Variants in ATP6V0D2 observed in about 807,000 individuals in gnomAD.
ATP6V0D2 encodes the protein ATPase H+ transporting V0 subunit d2.
A neutral mutation model predicts 40.0 loss-of-function variants in ATP6V0D2; 40 were observed. That is an observed-to-expected ratio of 1.00 (90% CI 0.78 to 1.30). The LOEUF is 1.30. Ranked by LOEUF, ATP6V0D2 falls within the 50% of genes most tolerant of loss-of-function variation. The pLI is 0.00. For missense variants in ATP6V0D2, 470 were observed against 423.1 expected (o/e 1.11, Z -0.97); for synonymous variants, 179 against 156.3 (o/e 1.15, Z -1.08).
chr8:86,121,597 AGGAG>A (rs1244423371), intron 2 of ATP6V0D2, among the ~76,000 whole-genome samples: 2 of 126,908 alleles, frequency 1.6e-5, no homozygotes, highest in African/African-American at 5.5e-5. Context: ...GAGGAGGAGG[AGGAG>A]GAGGAGGAGG....
At chr8:86,148,798 C>T (rs1039800759) in intron 5 of ATP6V0D2, among the ~76,000 whole-genome samples, 22 of 151,950 alleles carry the variant, frequency 1.4e-4, no homozygotes, top group African/African-American at 4.4e-4. Context: ...AAAGGCTGGG[C>T]GTGGTGGCTC....
rs552520868 is a variant in ATP6V0D2 at position 86,153,304 on chromosome 8, T to G, written c.*327T>G. 1 of 170,742 alleles carries G rather than the reference T, an allele frequency of 5.9e-6. No homozygotes were observed. Among genetic ancestry groups the G allele is most frequent in the East Asian group, 1.7e-4 (1 of 5,998 alleles). 10.6% of individuals were successfully genotyped at this position (170,742 alleles called of 1,614,324 possible). A position where few individuals can be genotyped will look rare whatever the true frequency, so the allele number is the denominator to read the frequency against. On this transcript the variant is annotated 3_prime_UTR_variant, in exon 8 of 8. Transcript: ENST00000285393. ...CTAATAAAAGTATTTTATTCTTGCTTTTCCATGCTTCTCTACAGGTCCAAA... is the reference window on the plus strand; with the variant it reads ...CTAATAAAAGTATTTTATTCTTGCTGTTCCATGCTTCTCTACAGGTCCAAA...
intron 5 of ATP6V0D2, among the ~76,000 whole-genome samples, chr8:86,143,522 A>G (rs905322825): frequency 5.3e-5 from 8 of 152,182 alleles, no homozygotes; most frequent in Admixed American, 2.0e-4. Flanking sequence ...TAGACCACAT[A>G]GGGTAACTTC....
At chr8:86,148,195 T>C (rs1819097710) in intron 5 of ATP6V0D2, among the ~76,000 whole-genome samples, 1 of 152,218 alleles carries the variant, frequency 6.6e-6, no homozygotes, top group African/African-American at 2.4e-5. Flanking sequence ...AATTTTTGTT[T>C]TAAGTTTTCT....
chr8:86,133,612 C>T (rs937453316), intron 2 of ATP6V0D2, among the ~76,000 whole-genome samples: 3 of 151,860 alleles, frequency 2.0e-5, no homozygotes, highest in South Asian at 2.1e-4. Context: ...TGATTCACCG[C>T]GCCTGGCCAC....
At chr8:86,138,007 T>C (rs933882443) in intron 2 of ATP6V0D2, among the ~76,000 whole-genome samples, 7 of 152,214 alleles carry the variant, frequency 4.6e-5, no homozygotes, top group African/African-American at 1.7e-4. Context: ...GGTCATAATA[T>C]TCCCTTCAGT....
At chr8:86,147,444 A>T (rs1819086516) in intron 5 of ATP6V0D2, among the ~76,000 whole-genome samples, 2 of 152,198 alleles carry the variant, frequency 1.3e-5, no homozygotes, top group Non-Finnish European at 2.9e-5. Context: ...AACATACACC[A>T]TACCACACAG....
chr8:86,099,030 G>T lies in ATP6V0D2; in HGVS notation c.52G>T (p.Gly18Cys). 6.2e-7 allele frequency: 1 copy of T among 1,613,930 alleles called. No individual in the cohort carries two copies. Among genetic ancestry groups the T allele is most frequent in the South Asian group, 1.1e-5 (1 of 91,064 alleles). ...YFNVDHGYLE[G>C]LVRGCKASLL... is the part of the protein sequence containing the mutation. ...CAACGTGGACCATGGCTACCTGGAG[G>T]GCCTGGTTCGAGGATGCAAGGCCAG... The change falls in exon 1 of 8, where the codon GGC becomes TGC. Residue 18 changes from glycine to cysteine, a missense_variant. By Grantham distance (159) the Gly-to-Cys change is radical. Transcript: ENST00000285393.
intron 2 of ATP6V0D2, among the ~76,000 whole-genome samples, chr8:86,116,252 C>T (rs1042012555): frequency 2.6e-5 from 4 of 152,128 alleles, no homozygotes; most frequent in South Asian, 2.1e-4. Flanking sequence ...CTTACATGTA[C>T]GTGTGTCTAT....
intron 2 of ATP6V0D2, among the ~76,000 whole-genome samples, chr8:86,117,829 A>C (rs1818610524): frequency 6.6e-6 from 1 of 152,124 alleles, no homozygotes; most frequent in Admixed American, 6.6e-5. Context: ...AGGTTGTTCC[A>C]TGCGTGAGGA....
chr8:86,151,415 A>G, intron 6 of ATP6V0D2, 51 bp from the exon 7 acceptor site: 1 of 1,205,046 alleles, frequency 8.3e-7, no homozygotes, highest in Non-Finnish European at 1.2e-6. Context: ...ATATTTATAT[A>G]CATTTATAAG....
At chr8:86,131,411 G>A (rs1364123512) in intron 2 of ATP6V0D2, among the ~76,000 whole-genome samples, 1 of 152,140 alleles carries the variant, frequency 6.6e-6, no homozygotes, top group Admixed American at 6.6e-5. Flanking sequence ...ATGTTGGCCA[G>A]GATGGTCTCG....
intron 2 of ATP6V0D2, among the ~76,000 whole-genome samples, chr8:86,135,169 G>C (rs912655338): frequency 6.6e-6 from 1 of 152,086 alleles, no homozygotes; most frequent in Non-Finnish European, 1.5e-5. Context: ...TCATTTCTCA[G>C]CTATTGCTAA....
At chr8:86,125,085 A>G (rs1818722303) in intron 2 of ATP6V0D2, among the ~76,000 whole-genome samples, 1 of 152,210 alleles carries the variant, frequency 6.6e-6, no homozygotes, top group African/African-American at 2.4e-5. Context: ...CAGAAAACAC[A>G]GGCCCCACCA....
chr8:86,110,842 T>TAGGACAGGAC (rs966307848), intron 1 of ATP6V0D2, among the ~76,000 whole-genome samples: 2 of 152,012 alleles, frequency 1.3e-5, no homozygotes, highest in East Asian at 3.9e-4. Flanking sequence ...TACTCTGGGA[T>TAGGACAGGAC]AGGACAGGAC....
chr8:86,140,571 C>T (rs192736861), intron 3 of ATP6V0D2, among the ~76,000 whole-genome samples: 19 of 152,168 alleles, frequency 1.2e-4, no homozygotes, highest in African/African-American at 4.3e-4. Flanking sequence ...ATGCTTGGCA[C>T]ATACTAAAGT....
chr8:86,125,744 G>A (rs1002521739), intron 2 of ATP6V0D2, among the ~76,000 whole-genome samples: 2 of 151,804 alleles, frequency 1.3e-5, no homozygotes, highest in African/African-American at 2.4e-5. Flanking sequence ...ATGTGCATGT[G>A]TTTATATTTA....
intron 2 of ATP6V0D2, among the ~76,000 whole-genome samples, chr8:86,123,477 G>A (rs1202630382): frequency 2.0e-5 from 3 of 152,162 alleles, no homozygotes; most frequent in Non-Finnish European, 4.4e-5. Flanking sequence ...GCATGGAGGG[G>A]ATGGAACTTA....
intron 1 of ATP6V0D2, among the ~76,000 whole-genome samples, chr8:86,104,672 T>G (rs904051163): frequency 6.6e-6 from 1 of 152,134 alleles, no homozygotes; most frequent in Non-Finnish European, 1.5e-5. Context: ...GACCTGTCAC[T>G]GTTTACCCAT....
Sources: gnomAD v4.1 joint callset for allele counts (sites outside exome capture counted in the v4.1 genomes callset) on GRCh38, gnomAD v4.1.1 for gene constraint, MANE v1.5 for transcripts, NCBI Gene and HGNC (gene_info 2026-07-23, HGNC 2026-07-21) for gene names.